Variants in TRIM8 observed in about 807,000 individuals in gnomAD.
The protein encoded by TRIM8 is tripartite motif containing 8.
A neutral mutation model predicts 55.7 loss-of-function variants in TRIM8; 9 were observed. The ratio of observed to expected loss-of-function variants is 0.16; its 90% CI spans 0.10 to 0.28. The LOEUF (loss-of-function observed/expected upper bound fraction) is 0.28, where lower values mean the gene tolerates loss of function less well. Ranked by LOEUF, TRIM8 falls within the 10% of genes least tolerant of loss-of-function variation. TRIM8 has a pLI of 1.00. For synonymous variants in TRIM8, 335 were observed against 333.3 expected (o/e 1.01, Z -0.06); for missense variants, 556 against 736.4 (o/e 0.76, Z 2.83).
At position 102,656,875 on chromosome 10, in the gene TRIM8, T is replaced by C; in HGVS notation, c.1177T>C (p.Ser393Pro). 1 of 1,572,768 alleles carries C rather than the reference T, an allele frequency of 6.4e-7. No homozygotes were observed. The highest frequency in any genetic ancestry group is 8.6e-7 in the Non-Finnish European group (1 of 1,160,956). The change falls in exon 6 of 6, where the codon TCG (serine) becomes CCG (proline). Residue 393 changes from serine (S) to proline (P), a missense_variant. Coordinates refer to ENST00000643721, the MANE Select transcript of TRIM8 (RefSeq NM_030912.3). The surrounding 1 kb of genome is among the most constrained non-coding windows in gnomAD (Gnocchi z 4.6). ...FPEASFLETS[S>P]GPVGGQYGAA... ...AGAGGCCAGTTTCCTAGAGACGTCG[T>C]CGGGCCCTGTGGGCGGCCAGTACGG...
chr10:102,644,935 C>T lies in TRIM8; in HGVS notation c.318C>T (p.Val106=). 1 of 1,600,844 alleles carries T rather than the reference C, an allele frequency of 6.2e-7. No individual in the cohort carries two copies. ...RRGPPLPAQK[V]CLRCEAPCCQ... ...GCCCCCCGCTGCCCGCGCAGAAGGT[C>T]TGCCTGCGCTGCGAGGCGCCCTGCT... Residue 106 remains valine, a synonymous_variant, in exon 1 of 6, where the codon GTC becomes GTT. Transcript: ENST00000643721.
Position 102,655,208 on chromosome 10 carries a change from C to T in TRIM8, c.795C>T (p.Asn265=), listed in dbSNP as rs372442077. 57 of 1,608,132 alleles carry T rather than the reference C, an allele frequency of 3.5e-5. No individual in the cohort carries two copies. The Middle Eastern group carries it at 8.3e-4, about 23-fold the overall frequency. ...DKAQAKFCSE[N]AAQALHLGER... ...CCCAGGCCAAGTTCTGCAGCGAGAA[C>T]GCAGCGCAGGCGCTGCACCTCGGGG... is the stretch of plus-strand genomic sequence containing the variant. Residue 265 remains asparagine, a synonymous_variant, in exon 3 of 6, where the codon AAC becomes AAT. Transcript: ENST00000643721.
intron 3 of TRIM8, 47 bp downstream of exon 3, chr10:102,655,360 C>A: frequency 6.4e-7 from 1 of 1,555,674 alleles, no homozygotes; most frequent in Non-Finnish European, 8.8e-7. Flanking sequence ...AGGGCCATTT[C>A]CAAATTGAGA....
intron 2 of TRIM8, 131 bp downstream of exon 2, chr10:102,654,879 C>T (rs2064010884): frequency 6.6e-6 from 6 of 903,090 alleles, no homozygotes; most frequent in East Asian, 2.5e-5. Flanking sequence ...ATCAACTGCC[C>T]GTGGATGCCC....
intron 1 of TRIM8, among the ~76,000 whole-genome samples, chr10:102,648,818 CA>C (rs1350343805): frequency 6.6e-6 from 1 of 152,016 alleles, no homozygotes; most frequent in Non-Finnish European, 1.5e-5. Flanking sequence ...GTGTGACGGT[CA>C]TGTGGCCCCT....
In TRIM8 at chr10:102,656,434, G is replaced by T; in HGVS notation, c.1048+49G>T. The T allele has an allele frequency of 6.4e-7, 1 of 1,570,362 alleles. No homozygotes were observed. The highest frequency in any genetic ancestry group is 8.6e-7 in the Non-Finnish European group (1 of 1,156,372). On this transcript the variant is annotated intron_variant, in intron 5 of 5. Coordinates refer to ENST00000643721, the MANE Select transcript of TRIM8 (RefSeq NM_030912.3). This position sits in a 1 kb window ranked among gnomAD's most constrained non-coding sequence, Gnocchi z 4.6. ...AGGGAGACAGGGACCTTTGGGGAGGGGTTCAGCGCCACAGCCTTCCCTCCA... is the reference window on the plus strand; with the variant it reads ...AGGGAGACAGGGACCTTTGGGGAGGTGTTCAGCGCCACAGCCTTCCCTCCA...
At chr10:102,650,569 C>T (rs1239689383) in intron 1 of TRIM8, among the ~76,000 whole-genome samples, 2 of 152,228 alleles carry the variant, frequency 1.3e-5, no homozygotes, top group South Asian at 4.1e-4. Flanking sequence ...GGCCACGTTC[C>T]ACTCTGCTCT....
Position 102,644,974 on chromosome 10 carries a change from G to T in TRIM8, c.357G>T (p.Val119=). The T allele has an allele frequency of 6.3e-7, 1 of 1,598,934 alleles. No homozygotes were observed. The highest frequency in any genetic ancestry group is 8.5e-7 in the Non-Finnish European group (1 of 1,174,510). ...AGGCGCCCTGCTGCCAGTCCCACGT[G>T]CAGACGCACCTGCAGCAGCCCTCCA... ...RCEAPCCQSH[V]QTHLQQPSTA... The change falls in exon 1 of 6, where the codon GTG becomes GTT. Residue 119 remains valine (V), a synonymous_variant. Coordinates refer to ENST00000643721, the MANE Select transcript of TRIM8 (RefSeq NM_030912.3).
At chr10:102,655,513 C>T (rs879627474) in intron 3 of TRIM8, among the ~76,000 whole-genome samples, 200 bp downstream of exon 3, 6 of 152,192 alleles carry the variant, frequency 3.9e-5, no homozygotes, top group African/African-American at 7.2e-5. Context: ...CCCTCACCTA[C>T]GAAGTGGTGT....
chr10:102,655,103 G>C lies in TRIM8; in HGVS notation c.690G>C (p.Glu230Asp), dbSNP rs1166712627. The change falls in exon 3 of 6, where the codon GAG (glutamate) becomes GAC (aspartate). Residue 230 changes from glutamate to aspartate, a missense_variant. Physicochemically the swap from Glu to Asp is conservative, Grantham distance 45 (BLOSUM62 2). This residue lies in a region of TRIM8 where 391 missense variants were observed against 441.0 expected (regional missense o/e 0.89). Transcript: ENST00000643721. ...AGGAGAAAGTGAACCAACTGAAGGA[G>C]GAAGTTCGGCTGCAGTACGAGAAGC... ...LVEEKVNQLK[E>D]EVRLQYEKLH... 6.2e-7 allele frequency: 1 copy of C among 1,613,050 alleles called. No homozygotes were observed.
intron 1 of TRIM8, among the ~76,000 whole-genome samples, chr10:102,650,326 A>G (rs1421550369): frequency 6.6e-6 from 1 of 152,254 alleles, no homozygotes; most frequent in East Asian, 1.9e-4. Flanking sequence ...TCGCTGCTCC[A>G]GGCCGGGAGG....
intron 1 of TRIM8, chr10:102,645,600 T>C (rs1288691561): frequency 1.2e-5 from 2 of 167,138 alleles, no homozygotes; most frequent in Non-Finnish European, 2.6e-5. Flanking sequence ...GCCGCTGCTG[T>C]GGCTGACATG....
chr10:102,649,168 T>G (rs1225393003), intron 1 of TRIM8: 1 of 152,308 alleles, frequency 6.6e-6, no homozygotes, highest in East Asian at 1.9e-4. Context: ...AGTCCCTAGT[T>G]GCGCAGCCGT....
rs2064009768 is a variant in TRIM8, at chr10:102,654,725, G to A, written c.643G>A (p.Glu215Lys). 6.2e-6 allele frequency: 10 copies of A among 1,614,038 alleles called. No homozygotes were observed. The highest frequency in any genetic ancestry group is 1.3e-5 in the African/African-American group (1 of 74,924). The change falls in exon 2 of 6, where the codon GAG (glutamate) becomes AAG (lysine). Residue 215 changes from glutamate to lysine, a missense_variant. This residue lies in a region of TRIM8 where 165 missense variants were observed against 295.3 expected (regional missense o/e 0.56). Transcript: ENST00000643721. ...QDIEDQLYKLESDKRLVEEKV... is the reference protein window; with the variant it reads ...QDIEDQLYKLKSDKRLVEEKV... The stretch of plus-strand genomic sequence containing the variant: ...CATTGAGGACCAGCTGTACAAACTC[G>A]AGTCAGACAAGCGCCTGGTGGAGGT...
At position 102,657,540 on chromosome 10, in the gene TRIM8, A is replaced by C; in HGVS notation, c.*186A>C. ...TGTTTTTGATTTTTTTTTATTATGA[A>C]TCTCCTGGACGCAGAGGTGACAGTG... is the stretch of plus-strand genomic sequence containing the variant. On this transcript the variant is annotated 3_prime_UTR_variant, in exon 6 of 6. Coordinates refer to ENST00000643721, the MANE Select transcript of TRIM8 (RefSeq NM_030912.3). 4 of 736,768 alleles carry C rather than the reference A, an allele frequency of 5.4e-6. No homozygotes were observed. Among genetic ancestry groups the C allele is most frequent in the Non-Finnish European group, 6.2e-6 (3 of 484,250 alleles). The allele number at this position is 736,768 out of a possible 1,614,324, so 45.6% of individuals were successfully genotyped here. A position where few individuals can be genotyped will look rare whatever the true frequency, so the allele number is the denominator to read the frequency against.
intron 1 of TRIM8, among the ~76,000 whole-genome samples, chr10:102,646,677 C>T (rs1002633103): frequency 1.3e-5 from 2 of 152,182 alleles, no homozygotes; most frequent in African/African-American, 4.8e-5. Flanking sequence ...CCTCCATCCC[C>T]GTTCAGGGCA....
intron 2 of TRIM8, 46 bp from the exon 3 acceptor site, chr10:102,655,029 AAGGTT>A: frequency 6.3e-7 from 1 of 1,580,254 alleles, no homozygotes; most frequent in South Asian, 1.1e-5. Flanking sequence ...GGGGAAACCA[AAGGTT>A]TCCAGTGCTT....
chr10:102,649,021 T>C (rs1156739682), intron 1 of TRIM8, among the ~76,000 whole-genome samples: 1 of 129,116 alleles, frequency 7.7e-6, no homozygotes, highest in East Asian at 2.4e-4. Flanking sequence ...TGCACATCTG[T>C]GTCTGTCTGC....
intron 1 of TRIM8, among the ~76,000 whole-genome samples, chr10:102,652,683 A>G (rs1332525401): frequency 6.6e-6 from 1 of 152,196 alleles, no homozygotes; most frequent in Admixed American, 6.5e-5. Flanking sequence ...ACTCCAGAAT[A>G]GTGCTGTCTA....
Sources: allele counts gnomAD v4.1 joint callset (sites outside exome capture counted in the v4.1 genomes callset), GRCh38; gene constraint gnomAD v4.1.1; regional missense constraint gnomAD v4.1.1; non-coding constraint Gnocchi (gnomAD v3.1); transcripts MANE v1.5; gene names NCBI Gene and HGNC (gene_info 2026-07-23, HGNC 2026-07-21).